Variants in ASXL3 observed in about 807,000 individuals in gnomAD.
ASXL3 encodes the protein ASXL transcriptional regulator 3.
In ASXL3, 34 loss-of-function variants were observed where a neutral mutation model predicts 170.6. The ratio of observed to expected loss-of-function variants is 0.20; its 90% confidence interval spans 0.15 to 0.27. The LOEUF is 0.27. Among genes scored for constraint, ASXL3 ranks in the 10% least tolerant of loss-of-function variants. ASXL3 has a pLI of 1.00. For missense variants in ASXL3, 2,592 were observed against 2,695.3 expected (o/e 0.96, Z 0.85); for synonymous variants, 1,002 against 989.1 (o/e 1.01, Z -0.24).
chr18:33,668,864 C>A (rs991401165), intron 5 of ASXL3, among the ~76,000 whole-genome samples: 3 of 151,310 alleles, frequency 2.0e-5, no homozygotes, highest in Non-Finnish European at 2.9e-5. Context: ...TCTTTTTTTC[C>A]CTAAATATTT....
At chr18:33,679,864 C>A (rs1188056225) in intron 7 of ASXL3, among the ~76,000 whole-genome samples, 1 of 151,924 alleles carries the variant, frequency 6.6e-6, no homozygotes, top group Non-Finnish European at 1.5e-5. Context: ...AGTATTGTGT[C>A]CTTACCTTTC....
Position 33,748,275 on chromosome 18 carries a change from C to T in ASXL3, c.*1680C>T, listed in dbSNP as rs945776569. 1.3e-5 allele frequency: 2 copies of T among 152,088 alleles called. No individual in the cohort carries two copies. Among genetic ancestry groups the T allele is most frequent in the African/African-American group, 4.8e-5 (2 of 41,422 alleles). The allele number at this position is 152,088 out of a possible 1,614,324, so 9.4% of individuals were successfully genotyped here. ...AATTACATTCCTGAAAACAAGAACA[C>T]TTGTGATTTTTTTATAATAACCAAC... On this transcript the variant is annotated 3_prime_UTR_variant, in exon 12 of 12. Transcript: ENST00000269197.
chr18:33,626,011 A>G (rs575335950), intron 2 of ASXL3: 1 of 152,126 alleles, frequency 6.6e-6, no homozygotes, highest in Non-Finnish European at 1.5e-5. Context: ...CAGTAGGACT[A>G]AAAGTTCCAG....
rs759848518 is a variant in ASXL3, at chr18:33,744,304, T to C, written c.4456T>C (p.Ser1486Pro). 3.7e-5 allele frequency: 59 copies of C among 1,613,888 alleles called. No homozygotes were observed. Among genetic ancestry groups the C allele is most frequent in the Non-Finnish European group, 4.8e-5 (57 of 1,179,912 alleles). The change falls in exon 12 of 12, where the codon TCT becomes CCT. Residue 1486 changes from serine (S) to proline (P), a missense_variant. Transcript: ENST00000269197. ...CAGCACCACGCTGACCTCCAGTTTG[T>C]CTCTGACTGTCTCCGTTGAAAGCTC... The part of the protein sequence containing the change: ...DHSTTLTSSL[S>P]LTVSVESSEA...
At position 33,748,818 on chromosome 18, in the gene ASXL3, A is replaced by G. The variant is rs2067839147; in HGVS notation, c.*2223A>G. The G allele has an allele frequency of 6.6e-6, 1 of 152,238 alleles. No homozygotes were observed. The highest frequency in any genetic ancestry group is 6.5e-5 in the Admixed American group (1 of 15,282). The allele number at this position is 152,238 out of a possible 1,614,324, so 9.4% of individuals were successfully genotyped here. A position where few individuals can be genotyped will look rare whatever the true frequency, so the allele number is the denominator to read the frequency against. On this transcript the variant is annotated 3_prime_UTR_variant, in exon 12 of 12. Transcript: ENST00000269197. ...GCAAATTGAAAACCATCACATCAGT[A>G]ACTGACATGGTGTCGGAAGAAACTC...
At chr18:33,607,776 T>A in intron 2 of ASXL3, 100 bp downstream of exon 2, 1 of 894,242 alleles carries the variant, frequency 1.1e-6, no homozygotes, top group Non-Finnish European at 1.7e-6. Context: ...TTGTAGTTGA[T>A]TGTGAATTAA....
At chr18:33,726,085 A>G (rs984152647) in intron 8 of ASXL3, among the ~76,000 whole-genome samples, 4 of 152,154 alleles carry the variant, frequency 2.6e-5, no homozygotes, top group South Asian at 4.1e-4. Flanking sequence ...CAGCATCTCA[A>G]CCTGATGTAG....
At chr18:33,587,283 G>C (rs532758479) in intron 1 of ASXL3, among the ~76,000 whole-genome samples, 5 of 152,098 alleles carry the variant, frequency 3.3e-5, no homozygotes, top group Non-Finnish European at 7.4e-5. Flanking sequence ...CTGCAATCTT[G>C]TAGCAATTTC....
intron 7 of ASXL3, among the ~76,000 whole-genome samples, chr18:33,673,522 T>C (rs2066379447): frequency 6.6e-6 from 1 of 152,006 alleles, no homozygotes; most frequent in Admixed American, 6.6e-5. Flanking sequence ...ACTGCCACCA[T>C]GCCCAGCTAA....
chr18:33,719,492 C>T (rs190269215), intron 8 of ASXL3, among the ~76,000 whole-genome samples: 71 of 152,106 alleles, frequency 4.7e-4, no homozygotes, highest in Admixed American at 4.5e-3. Context: ...AGAATGAATG[C>T]CTGCATGTTA....
chr18:33,688,776 A>G (rs775859172), intron 8 of ASXL3, among the ~76,000 whole-genome samples: 6 of 152,188 alleles, frequency 3.9e-5, no homozygotes, highest in Non-Finnish European at 8.8e-5. Context: ...CTTCACATCC[A>G]CACTTCAGTC....
rs10616181 is a variant in ASXL3 at position 33,749,076 on chromosome 18, C to CTTTTTT, written c.*2493_*2498dup. ...CCGATTAGCATAATTTTTCTGCGCC[C>CTTTTTT]TTTTTTTTTTTTTTTTTGCTCCAGT... On this transcript the variant is annotated 3_prime_UTR_variant, in exon 12 of 12. Coordinates refer to ENST00000269197, the MANE Select transcript of ASXL3 (RefSeq NM_030632.3). The CTTTTTT allele has an allele frequency of 2.3e-5, 3 of 128,440 alleles. No individual in the cohort carries two copies. Among genetic ancestry groups the CTTTTTT allele is most frequent in the African/African-American group, 8.8e-5 (3 of 34,236 alleles). The allele number at this position is 128,440 out of a possible 1,614,324, so 8.0% of individuals were successfully genotyped here. A position where few individuals can be genotyped will look rare whatever the true frequency, so the allele number is the denominator to read the frequency against.
intron 8 of ASXL3, among the ~76,000 whole-genome samples, chr18:33,692,488 C>A (rs938489786): frequency 1.3e-5 from 2 of 152,122 alleles, no homozygotes; most frequent in African/African-American, 4.8e-5. Context: ...AAGACCAGCT[C>A]CTTCTCATCC....
chr18:33,684,027 C>T (rs905660896), intron 8 of ASXL3, among the ~76,000 whole-genome samples: 1 of 152,096 alleles, frequency 6.6e-6, no homozygotes, highest in Non-Finnish European at 1.5e-5. Context: ...AATATGATTG[C>T]CTATAAATAA....
intron 1 of ASXL3, among the ~76,000 whole-genome samples, chr18:33,587,779 A>G (rs2065046524): frequency 6.6e-6 from 1 of 152,054 alleles, no homozygotes; most frequent in African/African-American, 2.4e-5. Flanking sequence ...TTAAAAAAAA[A>G]AGGAGAAACT....
chr18:33,656,694 G>A (rs544318480), intron 4 of ASXL3, among the ~76,000 whole-genome samples: 1 of 152,132 alleles, frequency 6.6e-6, no homozygotes, highest in Non-Finnish European at 1.5e-5. Context: ...ATAATTAGTG[G>A]CAGGTCGTGC....
At chr18:33,585,652 G>A (rs1316619481) in intron 1 of ASXL3, among the ~76,000 whole-genome samples, 2 of 152,204 alleles carry the variant, frequency 1.3e-5, no homozygotes, top group Non-Finnish European at 2.9e-5. Flanking sequence ...CCTGGGGTTA[G>A]CGCCAAAGGG....
chr18:33,586,890 CCTGT>C (rs1238372717), intron 1 of ASXL3, among the ~76,000 whole-genome samples: 1 of 152,136 alleles, frequency 6.6e-6, no homozygotes, highest in Non-Finnish European at 1.5e-5. Context: ...TGACAGTGTT[CCTGT>C]CTATTAGGGG....
At chr18:33,708,355 T>C (rs1378260446) in intron 8 of ASXL3, among the ~76,000 whole-genome samples, 3 of 152,212 alleles carry the variant, frequency 2.0e-5, no homozygotes, top group Non-Finnish European at 2.9e-5. Flanking sequence ...AACAGCTCTA[T>C]TGATGTAAAA....
Sources: allele counts gnomAD v4.1 joint callset (sites outside exome capture counted in the v4.1 genomes callset), GRCh38; gene constraint gnomAD v4.1.1; transcripts MANE v1.5; gene names NCBI Gene and HGNC (gene_info 2026-07-23, HGNC 2026-07-21).